SLC4A10: variants seen among roughly 807,000 people sequenced by gnomAD.
SLC4A10 encodes the protein solute carrier family 4 member 10.
Under a neutral mutation model 137.7 loss-of-function variants are expected in SLC4A10, and 42 were observed. That is an observed-to-expected ratio of 0.30 (90% CI 0.24 to 0.39). The LOEUF (loss-of-function observed/expected upper bound fraction) is 0.39, where lower values mean the gene tolerates loss of function less well. Ranked by LOEUF, SLC4A10 falls within the 10% of genes least tolerant of loss-of-function variation. The pLI is 1.00. For synonymous variants in SLC4A10, 474 were observed against 464.1 expected (o/e 1.02, Z -0.27); for missense variants, 925 against 1,355.0 (o/e 0.68, Z 4.98).
intron 6 of SLC4A10, among the ~76,000 whole-genome samples, chr2:161,869,021 C>T (rs1038157331): frequency 3.3e-5 from 5 of 151,562 alleles, no homozygotes; most frequent in Admixed American, 6.6e-5. Context: ...TTTGTAAGTA[C>T]TGTGGTATAG....
intron 15 of SLC4A10, among the ~76,000 whole-genome samples, chr2:161,922,290 C>T (rs563496420): frequency 3.3e-5 from 5 of 152,094 alleles, no homozygotes; most frequent in East Asian, 1.9e-4. Context: ...TACAAAGCTA[C>T]GATGCATATT....
At chr2:161,710,155 C>A (rs1225498550) in intron 1 of SLC4A10, among the ~76,000 whole-genome samples, 1 of 151,634 alleles carries the variant, frequency 6.6e-6, no homozygotes, top group Non-Finnish European at 1.5e-5. Flanking sequence ...ACTTAGCCAG[C>A]TTATATTCTT....
intron 1 of SLC4A10, among the ~76,000 whole-genome samples, chr2:161,631,522 G>C (rs1046927757): frequency 1.4e-4 from 21 of 151,600 alleles, no homozygotes; most frequent in African/African-American, 4.6e-4. Context: ...AGATTGGTCA[G>C]GGTTTCAGGT....
intron 4 of SLC4A10, 80 bp from the exon 5 acceptor site, chr2:161,854,890 T>G: frequency 7.4e-7 from 1 of 1,353,510 alleles, no homozygotes; most frequent in Non-Finnish European, 9.8e-7. Context: ...ATTTTTCTAT[T>G]TCAACCTTTT....
rs1373224274 is a variant in SLC4A10, at chr2:161,984,131, C to G, written c.*979C>G. 6.6e-6 allele frequency: 1 copy of G among 152,130 alleles called. No individual in the cohort carries two copies. The allele number at this position is 152,130 out of a possible 1,614,324, so 9.4% of individuals were successfully genotyped here. On this transcript the variant is annotated 3_prime_UTR_variant, in exon 27 of 27. Transcript: ENST00000446997. Reference sequence around the variant, plus strand: ...GCTAATGGTCATGCACTGCTTAATGCTGGTCCTGAATCATGTTCTCATGTT... The same window carrying G: ...GCTAATGGTCATGCACTGCTTAATGGTGGTCCTGAATCATGTTCTCATGTT...
intron 1 of SLC4A10, among the ~76,000 whole-genome samples, chr2:161,744,434 T>G (rs888973643): frequency 6.6e-6 from 1 of 152,220 alleles, no homozygotes; most frequent in African/African-American, 2.4e-5. Context: ...TGTATCACAT[T>G]GATCAATTTG....
At chr2:161,672,901 A>C (rs2039890009) in intron 1 of SLC4A10, among the ~76,000 whole-genome samples, 1 of 152,172 alleles carries the variant, frequency 6.6e-6, no homozygotes, top group African/African-American at 2.4e-5. Context: ...TACAAGGTAA[A>C]AGAAAAACAT....
intron 1 of SLC4A10, among the ~76,000 whole-genome samples, chr2:161,748,519 A>G (rs2048624899): frequency 6.6e-6 from 1 of 151,014 alleles, no homozygotes; most frequent in African/African-American, 2.4e-5. Context: ...TGGATATTCT[A>G]CCATTTGTTG....
intron 19 of SLC4A10, 132 bp from the exon 20 acceptor site, chr2:161,956,857 G>T: frequency 1.0e-6 from 1 of 984,748 alleles, no homozygotes. Flanking sequence ...GTTTGTTTAA[G>T]AGTTACTCCA....
intron 1 of SLC4A10, among the ~76,000 whole-genome samples, chr2:161,652,585 T>G (rs1454258993): frequency 1.3e-5 from 2 of 152,224 alleles, no homozygotes; most frequent in Non-Finnish European, 2.9e-5. Context: ...TAAAATATTT[T>G]TATTTTATAG....
At chr2:161,815,464 GCTGTGAGACAATTAAACTTCTTTC>G (rs1394451920) in intron 3 of SLC4A10, among the ~76,000 whole-genome samples, 1 of 152,132 alleles carries the variant, frequency 6.6e-6, no homozygotes, top group East Asian at 1.9e-4. Flanking sequence ...GGCATATGGA[GCTGTGAGACAATTAAACTTCTTTC>G]CTTTATAAAT....
At chr2:161,648,857 T>C (rs1220567707) in intron 1 of SLC4A10, among the ~76,000 whole-genome samples, 1 of 152,250 alleles carries the variant, frequency 6.6e-6, no homozygotes, top group African/African-American at 2.4e-5. Flanking sequence ...TATTTCTCTA[T>C]TGATGGGCAT....
chr2:161,730,322 GA>G (rs948879643), intron 1 of SLC4A10, among the ~76,000 whole-genome samples: 36 of 152,044 alleles, frequency 2.4e-4, no homozygotes, highest in Admixed American at 1.4e-3. Flanking sequence ...TTCAGAATGG[GA>G]AAAAAATAAA....
At chr2:161,739,445 T>C (rs1457122356) in intron 1 of SLC4A10, among the ~76,000 whole-genome samples, 1 of 152,172 alleles carries the variant, frequency 6.6e-6, no homozygotes, top group African/African-American at 2.4e-5. Context: ...TATGGGACAT[T>C]ATGGGCTGTA....
intron 1 of SLC4A10, among the ~76,000 whole-genome samples, chr2:161,627,615 A>C (rs1390012204): frequency 2.6e-5 from 4 of 152,106 alleles, no homozygotes; most frequent in African/African-American, 9.6e-5. Context: ...GAGGAGGCCT[A>C]GATATGTTTC....
At chr2:161,898,833 G>A (rs1034481307) in intron 11 of SLC4A10, among the ~76,000 whole-genome samples, 1 of 152,046 alleles carries the variant, frequency 6.6e-6, no homozygotes, top group Non-Finnish European at 1.5e-5. Context: ...ACACTAACTG[G>A]TCTCACATAA....
chr2:161,779,209 T>A (rs2052726029), intron 2 of SLC4A10, among the ~76,000 whole-genome samples: 1 of 151,928 alleles, frequency 6.6e-6, no homozygotes, highest in African/African-American at 2.4e-5. Flanking sequence ...TGAGAACTAA[T>A]GCCATCTTGC....
At chr2:161,739,433 A>G (rs753735071) in intron 1 of SLC4A10, among the ~76,000 whole-genome samples, 3 of 152,170 alleles carry the variant, frequency 2.0e-5, no homozygotes, top group East Asian at 1.9e-4. Context: ...TTTCTTGCCT[A>G]CTATGGGACA....
intron 3 of SLC4A10, among the ~76,000 whole-genome samples, chr2:161,822,308 G>A (rs377451654): frequency 1.3e-5 from 2 of 152,312 alleles, no homozygotes; most frequent in East Asian, 3.9e-4. Flanking sequence ...ATGTTTCAGA[G>A]ACATGGGGAC....
Sources: gnomAD v4.1 joint callset for allele counts (sites outside exome capture counted in the v4.1 genomes callset) on GRCh38, gnomAD v4.1.1 for gene constraint, MANE v1.5 for transcripts, NCBI Gene and HGNC (gene_info 2026-07-23, HGNC 2026-07-21) for gene names.